SVOP: variants seen among roughly 807,000 people sequenced by gnomAD.
SVOP encodes synaptic vesicle 2-related protein.
Under a neutral mutation model 69.1 loss-of-function variants are expected in SVOP, and 17 were observed. The ratio of observed to expected loss-of-function variants is 0.25; its 90% CI spans 0.17 to 0.37. SVOP has a LOEUF of 0.37. Ranked by LOEUF, SVOP falls within the 10% of genes least tolerant of loss-of-function variation. The probability of loss-of-function intolerance (pLI) is 1.00; values close to 1 mark genes in which losing one functional copy is unlikely to be tolerated. For synonymous variants in SVOP, 238 were observed against 238.6 expected, an observed-to-expected ratio of 1.00 and a Z score of 0.02; for missense variants, 435 against 597.5, an observed-to-expected ratio of 0.73 and a Z score of 2.84.
At chr12:108,937,000 T>TAGA (rs2039860413) in intron 10 of SVOP, 1 of 439,180 alleles carries the variant, frequency 2.3e-6, no homozygotes, top group Non-Finnish European at 4.2e-6. Context: ...AGTTCAAGGC[T>TAGA]GCAGTAAGCT....
intron 2 of SVOP, among the ~76,000 whole-genome samples, chr12:108,979,115 T>C (rs1210539722): frequency 2.0e-5 from 3 of 148,794 alleles, no homozygotes; most frequent in African/African-American, 7.4e-5. Context: ...GTAGAATATA[T>C]ACAAGGCTTT....
intron 7 of SVOP, among the ~76,000 whole-genome samples, chr12:108,944,778 C>T (rs781657749): frequency 4.6e-5 from 7 of 152,120 alleles, no homozygotes; most frequent in Admixed American, 1.3e-4. Flanking sequence ...GGCCAGAGTT[C>T]GGTCTACTCA....
chr12:109,004,409 A>G lies in SVOP; in HGVS notation c.35+16425T>C, dbSNP rs974691150. 5.5e-4 allele frequency among the ~76,000 whole-genome samples: 42 copies of G among 75,894 alleles called. No individual in the cohort carries two copies. In the East Asian group the frequency reaches 0.02, roughly 36 times the overall value. The allele number at this position is 75,894 out of a possible 152,430, so 49.8% of individuals were successfully genotyped here. A position where few individuals can be genotyped will look rare whatever the true frequency, so the allele number is the denominator to read the frequency against. On this transcript the variant is annotated intron_variant, in intron 1 of 15. Transcript: ENST00000610966. ...CCTGTGACTCGATTCAGGTATTGCT[A>G]CTTTTTTTTTTTTTTTTTTTGAGAC...
Position 108,915,887 on chromosome 12 carries a change from C to T in SVOP, c.1351-15G>A. ...GTGGGGTAGACCTGAAACACAGCAGCCGGATATAGGCATGGGGACATGCAG... is the reference window on the plus strand; with the variant it reads ...GTGGGGTAGACCTGAAACACAGCAGTCGGATATAGGCATGGGGACATGCAG... On this transcript the variant is annotated splice_polypyrimidine_tract_variant and intron_variant, in intron 14 of 15. Transcript: ENST00000610966. 1 of 1,587,266 alleles carries T rather than the reference C, an allele frequency of 6.3e-7. No individual in the cohort carries two copies. Among genetic ancestry groups the T allele is most frequent in the Non-Finnish European group, 8.6e-7 (1 of 1,167,284 alleles).
chr12:108,961,382 G>A (rs1478170488), intron 5 of SVOP, among the ~76,000 whole-genome samples: 1 of 150,546 alleles, frequency 6.6e-6, no homozygotes, highest in Non-Finnish European at 1.5e-5. Flanking sequence ...CTCTGTTTCT[G>A]ATGATCTGCA....
chr12:108,958,528 G>A (rs141230891), intron 6 of SVOP, among the ~76,000 whole-genome samples: 5 of 152,110 alleles, frequency 3.3e-5, no homozygotes, highest in Non-Finnish European at 4.4e-5. Flanking sequence ...ATGTTTGCAC[G>A]GTGACAAAAT....
intron 6 of SVOP, among the ~76,000 whole-genome samples, chr12:108,955,923 A>G (rs2039982894): frequency 6.6e-6 from 1 of 152,200 alleles, no homozygotes; most frequent in African/African-American, 2.4e-5. Context: ...GACTTGCCTG[A>G]GGTCATACAG....
At position 108,911,343 on chromosome 12, in the gene SVOP, C is replaced by CTG. The variant is rs1470196718; in HGVS notation, c.*1191_*1192insCA. ...TTCTCTGCCCATTCAGCTGTCTACC[C>CTG]ATGCACAAAACCCAAAGCCCTGGAT... On this transcript the variant is annotated 3_prime_UTR_variant, in exon 16 of 16. Transcript: ENST00000610966. 4.6e-5 allele frequency: 7 copies of CTG among 152,166 alleles called. No homozygotes were observed. Among genetic ancestry groups the CTG allele is most frequent in the African/African-American group, 7.2e-5 (3 of 41,400 alleles). 9.4% of individuals were successfully genotyped at this position (152,166 alleles called of 1,614,324 possible).
Position 109,007,840 on chromosome 12 carries a change from C to A in SVOP, c.35+12994G>T, listed in dbSNP as rs191043660. Among the ~76,000 whole-genome samples, 253 of 152,234 alleles carry A rather than the reference C, an allele frequency of 1.7e-3. 1 individual carries two copies. Among genetic ancestry groups the A allele is most frequent in the African/African-American group, 5.3e-3 (219 of 41,560 alleles). On this transcript the variant is annotated intron_variant, in intron 1 of 15. Transcript: ENST00000610966. ...ATCACCTGAGCCCAGGAGTTCGAGA[C>A]CAACCTGGGCAACATGGCAAGACCA...
intron 13 of SVOP, among the ~76,000 whole-genome samples, chr12:108,919,330 C>T (rs1428638406): frequency 6.6e-6 from 1 of 151,650 alleles, no homozygotes; most frequent in African/African-American, 2.4e-5. Context: ...TGCACCCACA[C>T]CTGGGCCTGC....
intron 1 of SVOP, among the ~76,000 whole-genome samples, chr12:109,009,117 A>G (rs541742121): frequency 6.6e-6 from 1 of 151,634 alleles, no homozygotes; most frequent in South Asian, 2.1e-4. Flanking sequence ...GCGAGCCACA[A>G]CGCCTGGCTA....
At chr12:109,020,783 G>C in intron 1 of SVOP, 51 bp downstream of exon 1, 1 of 631,020 alleles carries the variant, frequency 1.6e-6, no homozygotes, top group Non-Finnish European at 2.9e-6. Flanking sequence ...GCAGGTTTTC[G>C]TTTTTTAAAA....
intron 11 of SVOP, among the ~76,000 whole-genome samples, chr12:108,928,568 A>ATTTTT (rs58720673): frequency 4.2e-5 from 6 of 142,842 alleles, no homozygotes; most frequent in African/African-American, 1.3e-4. Context: ...GGATTTTCTG[A>ATTTTT]TTTTTTTTTT....
At chr12:108,979,325 T>A (rs148446353) in intron 2 of SVOP, among the ~76,000 whole-genome samples, 101,880 of 152,084 alleles carry the variant, frequency 0.67, 34,639 homozygotes, top group East Asian at 0.79. Flanking sequence ...ATGCAGCCTC[T>A]ATCTCCTGGG....
At chr12:108,977,259 G>T (rs1377864083) in intron 4 of SVOP, 139 bp downstream of exon 4, 4 of 1,050,602 alleles carry the variant, frequency 3.8e-6, no homozygotes, top group Non-Finnish European at 5.4e-6. Flanking sequence ...GATATGTGAG[G>T]TGGGGATGGG....
chr12:108,915,048 C>T (rs1182312047), intron 15 of SVOP, among the ~76,000 whole-genome samples: 1 of 151,426 alleles, frequency 6.6e-6, no homozygotes, highest in Non-Finnish European at 1.5e-5. Context: ...TGGTGCACGC[C>T]TGTAATCCCA....
chr12:108,990,161 G>T (rs983973462), intron 1 of SVOP, among the ~76,000 whole-genome samples: 31 of 152,150 alleles, frequency 2.0e-4, no homozygotes, highest in Admixed American at 6.6e-5. Flanking sequence ...TGAATGCAAG[G>T]TCTAAACTGA....
chr12:108,935,250 G>GGAAT (rs1170155952), intron 10 of SVOP, among the ~76,000 whole-genome samples: 1 of 152,210 alleles, frequency 6.6e-6, no homozygotes, highest in African/African-American at 2.4e-5. Flanking sequence ...GGCTGACCCA[G>GGAAT]AAATTAGAAT....
At chr12:109,006,667 A>G (rs2040309773) in intron 1 of SVOP, among the ~76,000 whole-genome samples, 1 of 152,092 alleles carries the variant, frequency 6.6e-6, no homozygotes, top group Admixed American at 6.5e-5. Context: ...GCTGTCCTTA[A>G]TTGTCTCATG....
Sources: gnomAD v4.1 joint callset for allele counts (sites outside exome capture counted in the v4.1 genomes callset) on GRCh38, gnomAD v4.1.1 for gene constraint, MANE v1.5 for transcripts, NCBI Gene and HGNC (gene_info 2026-07-23, HGNC 2026-07-21) for gene names.